The following IPO7 variants were observed in gnomAD, a reference collection of about 807,000 sequenced individuals.
IPO7 encodes importin 7.
IPO7 carries 13 observed loss-of-function variants against 136.4 expected under a neutral mutation model. The observed-to-expected ratio is 0.10, with a 90% CI of 0.06 to 0.15. The LOEUF (loss-of-function observed/expected upper bound fraction) is 0.15. Ranked by LOEUF, IPO7 falls within the 10% of genes least tolerant of loss-of-function variation. IPO7 has a pLI of 1.00. For missense variants in IPO7, 857 were observed against 1,240.6 expected, an observed-to-expected ratio of 0.69 and a Z score of 4.65; for synonymous variants, 403 against 404.4, an observed-to-expected ratio of 1.00 and a Z score of 0.04.
chr11:9,436,851 TA>T, intron 20 of IPO7, among the ~76,000 whole-genome samples: 1 of 11,312 alleles, frequency 8.8e-5, no homozygotes, highest in Non-Finnish European at 2.1e-4. Flanking sequence ...TTTATATATA[TA>T]TATATATATA....
intron 1 of IPO7, among the ~76,000 whole-genome samples, chr11:9,398,175 G>A (rs2133725423): frequency 6.6e-6 from 1 of 152,254 alleles, no homozygotes; most frequent in African/African-American, 2.4e-5. Context: ...CATCTTCCAA[G>A]GCATTTATTT....
In IPO7 at chr11:9,414,401, C is replaced by T. The variant is rs1375724582; in HGVS notation, c.626C>T (p.Ala209Val). The T allele has an allele frequency of 1.2e-6, 2 of 1,601,274 alleles. No individual in the cohort carries two copies. Among genetic ancestry groups the T allele is most frequent in the Non-Finnish European group, 1.7e-6 (2 of 1,173,940 alleles). ...IQKQIFKIFYALVQYTLPLEL... is the reference protein window; with the variant it reads ...IQKQIFKIFYVLVQYTLPLEL... The stretch of plus-strand genomic sequence containing the variant: ...AAACAGATATTCAAGATCTTCTATG[C>T]TCTTGTTCAGGTAATATCTGTGAAG... Residue 209 changes from alanine to valine, a missense_variant, in exon 5 of 25, where the codon GCT (alanine) becomes GTT (valine). Ala to Val is a moderately conservative substitution (Grantham distance 64). Coordinates refer to ENST00000379719, the MANE Select transcript of IPO7 (RefSeq NM_006391.3).
chr11:9,439,178 C>T (rs1215441442), intron 22 of IPO7, among the ~76,000 whole-genome samples: 24 of 152,024 alleles, frequency 1.6e-4, no homozygotes, highest in South Asian at 4.1e-4. Flanking sequence ...TGCAACAGCG[C>T]GATCTTGGCT....
At chr11:9,438,414 C>G in intron 22 of IPO7, 129 bp downstream of exon 22, 1 of 639,354 alleles carries the variant, frequency 1.6e-6, no homozygotes, top group Non-Finnish European at 2.7e-6. Context: ...ATCACACGGT[C>G]AGGAGTTCGA....
In IPO7 at chr11:9,428,606, G is replaced by A. The variant is rs774932069; in HGVS notation, c.1402G>A (p.Glu468Lys). The stretch of plus-strand genomic sequence containing the variant: ...TCATGTATTCCCTCTCTTCAGCAGT[G>A]AACTAGGCTACATGAGAGCAAGGGT... ...QNHVFPLFSS[E>K]LGYMRARACW... The change falls in exon 13 of 25, where the codon GAA becomes AAA. Residue 468 changes from glutamate to lysine, a missense_variant. Around this residue, in one of 11 missense-constraint regions of IPO7, gnomAD observed 127 missense variants for 222.4 expected, o/e 0.57. Transcript: ENST00000379719. 5.1e-6 allele frequency: 8 copies of A among 1,572,822 alleles called. No individual in the cohort carries two copies. The highest frequency in any genetic ancestry group is 1.7e-4 in the Middle Eastern group (1 of 5,966).
chr11:9,397,341 A>AAAAAAAAAAAAAAAAAAATATATATAT, intron 1 of IPO7, among the ~76,000 whole-genome samples: 3 of 10,760 alleles, frequency 2.8e-4, no homozygotes, highest in Non-Finnish European at 5.5e-4. Flanking sequence ...TTTAAAAAAA[A>AAAAAAAAAAAAAAAAAAATATATATAT]ATATATATAT....
intron 2 of IPO7, 41 bp from the exon 3 acceptor site, chr11:9,408,445 T>C (rs747156554): frequency 6.0e-6 from 8 of 1,335,982 alleles, no homozygotes; most frequent in Non-Finnish European, 8.0e-6. Context: ...CACAGTACTT[T>C]CACAGTAAAC....
intron 8 of IPO7, among the ~76,000 whole-genome samples, chr11:9,421,801 G>A (rs1024747503): frequency 6.6e-5 from 10 of 151,954 alleles, no homozygotes; most frequent in East Asian, 3.9e-4. Context: ...AAATGTAGCC[G>A]GGCGTGGTGG....
In IPO7 at chr11:9,447,778, A is replaced by G. The variant is rs919561933; in HGVS notation, c.*2584A>G. On this transcript the variant is annotated 3_prime_UTR_variant, in exon 25 of 25. Coordinates refer to ENST00000379719, the MANE Select transcript of IPO7 (RefSeq NM_006391.3). ...TTTTTTTTCTTGAAAAAGCCTTTCT[A>G]TTTATCAGTATTAAATAAAGGAAGT... 6.6e-6 allele frequency: 1 copy of G among 151,844 alleles called. No homozygotes were observed. Among genetic ancestry groups the G allele is most frequent in the East Asian group, 1.9e-4 (1 of 5,186 alleles). The allele number at this position is 151,844 out of a possible 1,614,324, so 9.4% of individuals were successfully genotyped here. A position where few individuals can be genotyped will look rare whatever the true frequency, so the allele number is the denominator to read the frequency against.
intron 2 of IPO7, among the ~76,000 whole-genome samples, chr11:9,404,652 G>T (rs1314049979): frequency 7.2e-6 from 1 of 139,098 alleles, no homozygotes. Context: ...TGCAAGCTCC[G>T]CCTCCCGTGT....
At position 9,423,206 on chromosome 11, in the gene IPO7, G is replaced by A; in HGVS notation, c.1041+66G>A. The A allele has an allele frequency of 2.7e-6, 3 of 1,123,176 alleles. No homozygotes were observed. In the Admixed American group the frequency reaches 6.8e-5, roughly 25 times the overall value. 69.6% of individuals were successfully genotyped at this position (1,123,176 alleles called of 1,614,324 possible). A position where few individuals can be genotyped will look rare whatever the true frequency, so the allele number is the denominator to read the frequency against. ...TAGAAATGACATCAATTGCCATAAA[G>A]GTTGAAAAATTGCATGTTTGTTGAG... is the stretch of plus-strand genomic sequence containing the variant. On this transcript the variant is annotated intron_variant, in intron 9 of 24. Coordinates refer to ENST00000379719, the MANE Select transcript of IPO7 (RefSeq NM_006391.3).
chr11:9,435,628 TGCC>T (rs1390833779), intron 19 of IPO7, among the ~76,000 whole-genome samples: 1 of 152,216 alleles, frequency 6.6e-6, no homozygotes, highest in Non-Finnish European at 1.5e-5. Context: ...CATTTTTTAC[TGCC>T]AATTATATTA....
intron 6 of IPO7, among the ~76,000 whole-genome samples, chr11:9,419,671 A>G (rs896676014): frequency 1.3e-5 from 2 of 149,790 alleles, no homozygotes; most frequent in Non-Finnish European, 3.0e-5. Context: ...TGGATCTTCC[A>G]TAATTGAACA....
rs61545331 is a variant in IPO7 at position 9,429,542 on chromosome 11, A to G, written c.1592-132A>G. ...ATATATATATTAATTGTAAAAAGCC[A>G]TAATCCTAGAAACTTGGCATACTTC... On this transcript the variant is annotated intron_variant, in intron 14 of 24. Transcript: ENST00000379719. 3.9e-4 allele frequency: 222 copies of G among 570,288 alleles called. 1 individual carries two copies. The East Asian group carries it at 6.1e-3, about 16-fold the overall frequency. The allele number at this position is 570,288 out of a possible 1,614,324, so 35.3% of individuals were successfully genotyped here. A position where few individuals can be genotyped will look rare whatever the true frequency, so the allele number is the denominator to read the frequency against.
chr11:9,437,321 G>A (rs996344202), intron 20 of IPO7, among the ~76,000 whole-genome samples: 2 of 151,476 alleles, frequency 1.3e-5, no homozygotes, highest in Non-Finnish European at 2.9e-5. Flanking sequence ...GCAGTGGCGC[G>A]ATCTCAGCTC....
chr11:9,388,726 A>T (rs1380903565), intron 1 of IPO7, among the ~76,000 whole-genome samples: 1 of 147,486 alleles, frequency 6.8e-6, no homozygotes, highest in East Asian at 2.1e-4. Flanking sequence ...AGGCCTTGCT[A>T]TGTTACCCAG....
intron 1 of IPO7, among the ~76,000 whole-genome samples, chr11:9,397,478 G>C (rs1027818254): frequency 1.3e-5 from 2 of 149,666 alleles, no homozygotes; most frequent in Non-Finnish European, 3.0e-5. Context: ...TGATCCTCCT[G>C]CATCAGCCTC....
Position 9,440,651 on chromosome 11 carries a change from T to C in IPO7, c.2892T>C (p.Ala964=). ...TTGATGAGTATCAGATATTTAAAGC[T>C]ATCTTTCAAAGTAAGTCAACTTGTT... ...NPVDEYQIFK[A]IFQTIQNRNP... The change falls in exon 23 of 25, where the codon GCT becomes GCC. Residue 964 remains alanine, a synonymous_variant. Coordinates refer to ENST00000379719, the MANE Select transcript of IPO7 (RefSeq NM_006391.3). The C allele has an allele frequency of 6.2e-7, 1 of 1,609,098 alleles. No homozygotes were observed. The highest frequency in any genetic ancestry group is 1.3e-5 in the African/African-American group (1 of 74,972).
chr11:9,393,390 T>C (rs1382746003), intron 1 of IPO7, among the ~76,000 whole-genome samples: 4 of 152,158 alleles, frequency 2.6e-5, no homozygotes, highest in Non-Finnish European at 4.4e-5. Flanking sequence ...TTTCTTTTTC[T>C]TTTTTTCTTG....
Sources: allele counts gnomAD v4.1 joint callset (sites outside exome capture counted in the v4.1 genomes callset), GRCh38; gene constraint gnomAD v4.1.1; regional missense constraint gnomAD v4.1.1; transcripts MANE v1.5; gene names NCBI Gene and HGNC (gene_info 2026-07-23, HGNC 2026-07-21).